Variants in ADGB observed in about 807,000 individuals in gnomAD.
ADGB encodes the protein calpain-7-like protein.
ADGB carries 172 observed loss-of-function variants against 210.5 expected under a neutral mutation model. That is an observed-to-expected ratio of 0.82 (90% confidence interval 0.72 to 0.93). ADGB has a LOEUF of 0.93. Among genes scored for constraint, ADGB ranks in the 40% least tolerant of loss-of-function variants. ADGB has a pLI of 0.00. For synonymous variants in ADGB, 658 were observed against 662.7 expected (o/e 0.99, Z 0.11); for missense variants, 2,025 against 1,964.8 (o/e 1.03, Z -0.58).
At chr6:146,737,593 T>G (rs926645530) in intron 23 of ADGB, among the ~76,000 whole-genome samples, 4 of 152,192 alleles carry the variant, frequency 2.6e-5, no homozygotes, top group Non-Finnish European at 5.9e-5. Context: ...AGAACCCATT[T>G]CCTAAAAGGG....
At chr6:146,609,970 G>T (rs2114828627) in intron 1 of ADGB, among the ~76,000 whole-genome samples, 1 of 152,158 alleles carries the variant, frequency 6.6e-6, no homozygotes, top group Non-Finnish European at 1.5e-5. Context: ...TGGAGAATTT[G>T]GTGACTATAT....
intron 26 of ADGB, among the ~76,000 whole-genome samples, chr6:146,750,244 A>G (rs1416776666): frequency 1.3e-5 from 2 of 152,094 alleles, no homozygotes; most frequent in Non-Finnish European, 2.9e-5. Flanking sequence ...AAGGAGGAAT[A>G]AAGAGTGGGG....
intron 32 of ADGB, among the ~76,000 whole-genome samples, chr6:146,787,110 A>G (rs1015205346): frequency 1.3e-5 from 2 of 152,188 alleles, no homozygotes; most frequent in Non-Finnish European, 2.9e-5. Flanking sequence ...ATTTTTTGCT[A>G]AAACTGGGGT....
intron 1 of ADGB, among the ~76,000 whole-genome samples, chr6:146,618,883 T>C (rs1365016398): frequency 2.6e-5 from 4 of 152,042 alleles, no homozygotes; most frequent in Non-Finnish European, 5.9e-5. Flanking sequence ...TGGAGTGCAG[T>C]GTAACTCCAA....
intron 23 of ADGB, 56 bp from the exon 24 acceptor site, chr6:146,740,403 G>C: frequency 7.2e-7 from 1 of 1,393,272 alleles, no homozygotes; most frequent in South Asian, 1.4e-5. Context: ...TGTAAATAGA[G>C]TTTATCTTTA....
At chr6:146,734,085 T>C (rs953095002) in intron 22 of ADGB, 55 bp downstream of exon 22, 5 of 1,507,988 alleles carry the variant, frequency 3.3e-6, no homozygotes, top group Non-Finnish European at 4.5e-6. Flanking sequence ...AATAAATATT[T>C]ATGTGTGTTA....
chr6:146,782,375 A>T (rs1385351763), intron 30 of ADGB, among the ~76,000 whole-genome samples, 183 bp downstream of exon 30: 1 of 152,176 alleles, frequency 6.6e-6, no homozygotes, highest in Non-Finnish European at 1.5e-5. Flanking sequence ...CTAGTTCAGT[A>T]TCAAAAACTA....
chr6:146,665,441 T>C (rs1488828887), intron 6 of ADGB, among the ~76,000 whole-genome samples: 8 of 152,070 alleles, frequency 5.3e-5, no homozygotes, highest in Non-Finnish European at 5.9e-5. Flanking sequence ...TCTTTGTAGG[T>C]AGCTGAATAG....
intron 20 of ADGB, among the ~76,000 whole-genome samples, chr6:146,730,046 A>G (rs1366475984): frequency 6.6e-6 from 1 of 152,216 alleles, no homozygotes; most frequent in Non-Finnish European, 1.5e-5. Flanking sequence ...CAGGACACCC[A>G]GTTAAATTCT....
At chr6:146,613,064 G>T (rs761704681) in intron 1 of ADGB, among the ~76,000 whole-genome samples, 5 of 152,000 alleles carry the variant, frequency 3.3e-5, no homozygotes, top group African/African-American at 4.8e-5. Flanking sequence ...TTTGTTATAA[G>T]CCCCTTCATT....
intron 13 of ADGB, among the ~76,000 whole-genome samples, chr6:146,713,758 G>A (rs556550218): frequency 1.2e-3 from 175 of 151,186 alleles, no homozygotes; most frequent in African/African-American, 4.0e-3. Flanking sequence ...TTATTTTGAT[G>A]CTCAACTTAC....
At chr6:146,697,280 G>A (rs1371448248) in intron 12 of ADGB, among the ~76,000 whole-genome samples, 1 of 152,148 alleles carries the variant, frequency 6.6e-6, no homozygotes, top group African/African-American at 2.4e-5. Flanking sequence ...TGAGTGCAGG[G>A]TATGATGGTT....
At chr6:146,791,699 C>T (rs1414507245) in intron 33 of ADGB, among the ~76,000 whole-genome samples, 5 of 151,978 alleles carry the variant, frequency 3.3e-5, no homozygotes, top group Non-Finnish European at 5.9e-5. Context: ...TCAGGTTTTC[C>T]AAACACCGTT....
At chr6:146,792,023 G>A (rs949484593) in intron 33 of ADGB, among the ~76,000 whole-genome samples, 6 of 150,666 alleles carry the variant, frequency 4.0e-5, no homozygotes, top group Non-Finnish European at 5.9e-5. Flanking sequence ...TCCCACCTTG[G>A]CCTCCCAAAG....
intron 29 of ADGB, among the ~76,000 whole-genome samples, chr6:146,772,745 T>C (rs990905741): frequency 6.6e-6 from 1 of 151,330 alleles, no homozygotes; most frequent in Non-Finnish European, 1.5e-5. Context: ...TTTCAGTACT[T>C]ATATGTTGAG....
chr6:146,697,003 A>G (rs1203095743), intron 12 of ADGB, among the ~76,000 whole-genome samples: 1 of 152,196 alleles, frequency 6.6e-6, no homozygotes, highest in African/African-American at 2.4e-5. Flanking sequence ...TAATTAAATT[A>G]CAAGATTAAA....
chr6:146,606,610 C>T (rs1375025982), intron 1 of ADGB, among the ~76,000 whole-genome samples: 1 of 152,148 alleles, frequency 6.6e-6, no homozygotes, highest in Non-Finnish European at 1.5e-5. Flanking sequence ...GTTTCAATCT[C>T]CTATAGATGG....
At position 146,598,980 on chromosome 6, in the gene ADGB, AGCCGAGCGCGCCCGCAG is replaced by A; in HGVS notation, c.-58_-42del. 1 of 1,448,960 alleles carries A rather than the reference AGCCGAGCGCGCCCGCAG, an allele frequency of 6.9e-7. No individual in the cohort carries two copies. The highest frequency in any genetic ancestry group is 9.5e-7 in the Non-Finnish European group (1 of 1,054,936). The allele number at this position is 1,448,960 out of a possible 1,614,324, so 89.8% of individuals were successfully genotyped here. On this transcript the variant is annotated 5_prime_UTR_variant, in exon 1 of 36. Transcript: ENST00000397944. ...CCGTCTCCTGGCAACGCAGACGCGG[AGCCGAGCGCGCCCGCAG>A]GCTCTTTGCTCAGAGCTCAGCCCTA...
intron 5 of ADGB, among the ~76,000 whole-genome samples, chr6:146,658,603 A>G (rs1775815525): frequency 6.6e-6 from 1 of 152,174 alleles, no homozygotes; most frequent in Non-Finnish European, 1.5e-5. Context: ...TTGGTTTTCA[A>G]ATTTCCTCCT....
Sources: gnomAD v4.1 joint callset for allele counts (sites outside exome capture counted in the v4.1 genomes callset) on GRCh38, gnomAD v4.1.1 for gene constraint, MANE v1.5 for transcripts, NCBI Gene and HGNC (gene_info 2026-07-23, HGNC 2026-07-21) for gene names.